The following CENPC variants were observed in gnomAD, a reference collection of about 807,000 sequenced individuals.
CENPC encodes CENP-C 1.
In CENPC, 63 loss-of-function variants were observed where a neutral mutation model predicts 112.1. The ratio of observed to expected loss-of-function variants is 0.56; its 90% CI spans 0.46 to 0.69. The LOEUF (loss-of-function observed/expected upper bound fraction) is 0.69, where lower values mean the gene tolerates loss of function less well. Among genes scored for constraint, CENPC ranks in the 30% least tolerant of loss-of-function variants. CENPC has a pLI of 0.00. For missense variants in CENPC, 1,000 were observed against 1,103.8 expected (o/e 0.91, Z 1.33); for synonymous variants, 333 against 367.6 (o/e 0.91, Z 1.08).
At chr4:67,505,379 T>A (rs1725705849) in intron 11 of CENPC, 95 bp from the exon 12 acceptor site, 1 of 716,914 alleles carries the variant, frequency 1.4e-6, no homozygotes, top group Non-Finnish European at 2.3e-6. Context: ...AAAACTGCCA[T>A]AAGTCTTTCT....
chr4:67,514,799 A>G (rs1726010805), intron 7 of CENPC, 112 bp from the exon 8 acceptor site: 1 of 1,053,674 alleles, frequency 9.5e-7, no homozygotes, highest in African/African-American at 1.6e-5. Flanking sequence ...CTGTTTATAT[A>G]TCTCCTCAAT....
chr4:67,539,595 T>C (rs1446151745), intron 4 of CENPC, among the ~76,000 whole-genome samples: 1 of 152,180 alleles, frequency 6.6e-6, no homozygotes, highest in African/African-American at 2.4e-5. Context: ...TGAGTATTAT[T>C]TTAGGAGAAG....
chr4:67,527,240 C>G (rs1363978294), intron 5 of CENPC, among the ~76,000 whole-genome samples: 3 of 152,052 alleles, frequency 2.0e-5, no homozygotes, highest in Non-Finnish European at 4.4e-5. Context: ...GCTGGTTAAA[C>G]ATTCAAAAAT....
At chr4:67,485,467 T>A (rs1315441565) in intron 17 of CENPC, among the ~76,000 whole-genome samples, 1 of 89,662 alleles carries the variant, frequency 1.1e-5, no homozygotes. Context: ...TCTGGAATCT[T>A]AACCCCCCCA....
rs1394363046 is a variant in CENPC at position 67,514,473 on chromosome 4, T to C, written c.1045A>G (p.Lys349Glu). 1 of 1,613,514 alleles carries C rather than the reference T, an allele frequency of 6.2e-7. No individual in the cohort carries two copies. The highest frequency in any genetic ancestry group is 8.5e-7 in the Non-Finnish European group (1 of 1,179,840). Residue 349 changes from lysine (K) to glutamate (E), a missense_variant, in exon 8 of 19, where the codon AAG becomes GAG. By Grantham distance (56) the Lys-to-Glu change is moderately conservative. Transcript: ENST00000273853. ...ALLQGRKSREKHHNILPKTLA... is the reference protein window; with the variant it reads ...ALLQGRKSREEHHNILPKTLA... The stretch of plus-strand genomic sequence containing the variant: ...GTCTTAGGTAATATATTATGATGCT[T>C]TTCTCTTGACTTTCTACCTTGAAGG...
At chr4:67,518,393 C>G in intron 6 of CENPC, 25 bp from the exon 7 acceptor site, 1 of 1,497,214 alleles carries the variant, frequency 6.7e-7, no homozygotes, top group Non-Finnish European at 8.9e-7. Context: ...GGAGGGTAAG[C>G]TGAATGCTCC....
At chr4:67,498,056 C>T in intron 12 of CENPC, among the ~76,000 whole-genome samples, 1 of 151,782 alleles carries the variant, frequency 6.6e-6, no homozygotes, top group Non-Finnish European at 1.5e-5. Context: ...CATGGCGAAA[C>T]CCCATCTCTA....
rs1724753532 is a variant in CENPC, at chr4:67,474,575, G to A, written c.2761+313C>T. 3 of 283,502 alleles carry A rather than the reference G, an allele frequency of 1.1e-5. No individual in the cohort carries two copies. In the South Asian group the frequency reaches 1.1e-4, roughly 10 times the overall value. The allele number at this position is 283,502 out of a possible 1,614,324, so 17.6% of individuals were successfully genotyped here. On this transcript the variant is annotated intron_variant, in intron 18 of 18. Transcript: ENST00000273853. ...TAGCCGGATGTGGTGGTTCGTGCCT[G>A]TAGTCCCAGCTACTCGAGAGTCTGA... is the stretch of plus-strand genomic sequence containing the variant.
At chr4:67,494,968 T>C (rs772579867) in intron 13 of CENPC, among the ~76,000 whole-genome samples, 191 bp downstream of exon 13, 18 of 152,152 alleles carry the variant, frequency 1.2e-4, no homozygotes, top group Admixed American at 4.6e-4. Context: ...AAATGGACAA[T>C]AGACTAATTC....
At chr4:67,528,293 A>C (rs1383798678) in intron 5 of CENPC, among the ~76,000 whole-genome samples, 5 of 152,226 alleles carry the variant, frequency 3.3e-5, no homozygotes, top group Non-Finnish European at 1.5e-5. Flanking sequence ...ATGGGGAGCC[A>C]GGAGACAGGC....
chr4:67,539,447 C>T (rs190694546), intron 4 of CENPC, among the ~76,000 whole-genome samples: 2 of 152,216 alleles, frequency 1.3e-5, no homozygotes, highest in East Asian at 3.9e-4. Flanking sequence ...ATCAAACTAA[C>T]AGCAATTAAA....
At chr4:67,502,542 T>A (rs1395855112) in intron 12 of CENPC, among the ~76,000 whole-genome samples, 1 of 152,202 alleles carries the variant, frequency 6.6e-6, no homozygotes, top group East Asian at 1.9e-4. Flanking sequence ...GCTTATGTGA[T>A]CAGTAACAGC....
intron 12 of CENPC, among the ~76,000 whole-genome samples, chr4:67,501,247 A>C (rs1725582618): frequency 6.6e-6 from 1 of 152,120 alleles, no homozygotes; most frequent in South Asian, 2.1e-4. Context: ...GGTGGAGGTT[A>C]CAATGAGCTG....
At chr4:67,512,229 T>C (rs1300929320) in intron 9 of CENPC, 173 bp downstream of exon 9, 1 of 537,940 alleles carries the variant, frequency 1.9e-6, no homozygotes, top group Non-Finnish European at 3.2e-6. Context: ...TAAAATACTG[T>C]ATATATTAAC....
At chr4:67,540,270 A>C (rs1328681216) in intron 3 of CENPC, among the ~76,000 whole-genome samples, 1 of 152,170 alleles carries the variant, frequency 6.6e-6, no homozygotes, top group Non-Finnish European at 1.5e-5. Context: ...CACTTGGAAA[A>C]GTTTTTGCTG....
At chr4:67,480,279 A>G (rs1577971035) in intron 17 of CENPC, among the ~76,000 whole-genome samples, 1 of 152,214 alleles carries the variant, frequency 6.6e-6, no homozygotes, top group East Asian at 1.9e-4. Context: ...AAATCGCACC[A>G]TTGCACTCCA....
intron 4 of CENPC, among the ~76,000 whole-genome samples, chr4:67,536,039 T>C (rs1409065185): frequency 6.6e-6 from 1 of 152,042 alleles, no homozygotes; most frequent in South Asian, 2.1e-4. Context: ...AGAAGAAAAG[T>C]ATGTAAAAAG....
chr4:67,496,421 C>T (rs1011501897), intron 12 of CENPC, among the ~76,000 whole-genome samples: 6 of 152,144 alleles, frequency 3.9e-5, no homozygotes, highest in Admixed American at 1.3e-4. Flanking sequence ...TGGTTGGTTA[C>T]GCAGCAATAT....
Position 67,491,525 on chromosome 4 carries a change from A to C in CENPC, c.2515+655T>G, listed in dbSNP as rs57063464. Among the ~76,000 whole-genome samples the C allele has an allele frequency of 6.2e-3, 810 of 130,056 alleles. 19 individuals are homozygous for C. Among genetic ancestry groups the C allele is most frequent in the African/African-American group, 0.021 (744 of 34,790 alleles). The allele number at this position is 130,056 out of a possible 152,430, so 85.3% of individuals were successfully genotyped here. Reference sequence around the variant, plus strand: ...GAGAGAGAGAGAGAGAGAGAGAGAGAGAGCCTGGTTGTTAAACAGTTGCGT... The same window carrying C: ...GAGAGAGAGAGAGAGAGAGAGAGAGCGAGCCTGGTTGTTAAACAGTTGCGT... On this transcript the variant is annotated intron_variant, in intron 16 of 18. Transcript: ENST00000273853.
Sources: gnomAD v4.1 joint callset for allele counts (sites outside exome capture counted in the v4.1 genomes callset) on GRCh38, gnomAD v4.1.1 for gene constraint, MANE v1.5 for transcripts, NCBI Gene and HGNC (gene_info 2026-07-23, HGNC 2026-07-21) for gene names.